The following PTPRN2 variants were observed in gnomAD, a reference collection of about 807,000 sequenced individuals.
The protein encoded by PTPRN2 is protein tyrosine phosphatase receptor type N2, also known as receptor-type tyrosine-protein phosphatase N2.
In PTPRN2, 74 loss-of-function variants were observed where a neutral mutation model predicts 118.8. The observed-to-expected ratio is 0.62, with a 90% CI of 0.52 to 0.76. The LOEUF (loss-of-function observed/expected upper bound fraction) is 0.76, where lower values mean the gene tolerates loss of function less well. PTPRN2 is among the 30% of genes least tolerant of loss of function. The pLI is 0.00. For missense variants in PTPRN2, 1,481 were observed against 1,394.4 expected (o/e 1.06, Z -0.99); for synonymous variants, 641 against 608.0 (o/e 1.05, Z -0.80).
chr7:157,852,194 GT>G (rs1809328639), intron 12 of PTPRN2, among the ~76,000 whole-genome samples: 1 of 152,206 alleles, frequency 6.6e-6, no homozygotes, highest in Non-Finnish European at 1.5e-5. Context: ...TGTCAAAAAA[GT>G]TCCAAAATGT....
At chr7:157,921,261 A>G (rs1798677961) in intron 11 of PTPRN2, among the ~76,000 whole-genome samples, 1 of 152,198 alleles carries the variant, frequency 6.6e-6, no homozygotes. Context: ...CAACGCTAAG[A>G]CGTTCTGGAA....
intron 11 of PTPRN2, among the ~76,000 whole-genome samples, chr7:157,992,675 C>A (rs1385196561): frequency 2.0e-5 from 3 of 152,198 alleles, no homozygotes; most frequent in Non-Finnish European, 2.9e-5. Flanking sequence ...GGTGGCCCAA[C>A]AGAGAGCAGG....
intron 9 of PTPRN2, among the ~76,000 whole-genome samples, chr7:158,113,202 G>A (rs534557047): frequency 9.0e-4 from 137 of 152,222 alleles, no homozygotes; most frequent in Non-Finnish European, 1.7e-3. Flanking sequence ...AGCTGAGGCC[G>A]AGCTTAGCGG....
rs140630701 is a variant in PTPRN2, at chr7:157,900,900, ACTGT to A, written c.1724-2167_1724-2164del. ...ACTACTAAAGGGAATGGGGAGAGAT[ACTGT>A]CTTAGTCCATTTGTGTTGCTGTAAA... On this transcript the variant is annotated intron_variant, in intron 11 of 22. Coordinates refer to ENST00000389418, the MANE Select transcript of PTPRN2 (RefSeq NM_002847.5). Among the ~76,000 whole-genome samples, 1,453 of 152,358 alleles carry A rather than the reference ACTGT, an allele frequency of 9.5e-3. 28 individuals are homozygous for A. Among genetic ancestry groups the A allele is most frequent in the African/African-American group, 0.034 (1,400 of 41,576 alleles).
At chr7:157,567,697 T>C (rs1799557901) in intron 21 of PTPRN2, among the ~76,000 whole-genome samples, 1 of 152,154 alleles carries the variant, frequency 6.6e-6, no homozygotes, top group African/African-American at 2.4e-5. Flanking sequence ...GAGGTCTCTG[T>C]ATGAACACAT....
intron 2 of PTPRN2, among the ~76,000 whole-genome samples, chr7:158,464,872 A>C (rs1366863365): frequency 6.6e-6 from 1 of 152,252 alleles, no homozygotes; most frequent in Non-Finnish European, 1.5e-5. Flanking sequence ...TTGCCATGCC[A>C]ATGAGTAAAT....
intron 14 of PTPRN2, among the ~76,000 whole-genome samples, chr7:157,653,371 G>A (rs976764859): frequency 6.6e-6 from 1 of 152,178 alleles, no homozygotes; most frequent in African/African-American, 2.4e-5. Flanking sequence ...GAGGCTTTGC[G>A]CACAGAGGGC....
chr7:157,734,674 G>C (rs1287195476), intron 12 of PTPRN2, among the ~76,000 whole-genome samples: 1 of 152,200 alleles, frequency 6.6e-6, no homozygotes, highest in Non-Finnish European at 1.5e-5. Context: ...TTACTGAAGC[G>C]TTACAAGGCT....
intron 11 of PTPRN2, among the ~76,000 whole-genome samples, chr7:158,019,871 C>A (rs1172567767): frequency 6.6e-6 from 1 of 152,220 alleles, no homozygotes; most frequent in Non-Finnish European, 1.5e-5. Flanking sequence ...AGCACAGCGG[C>A]CCCCGGCATC....
In PTPRN2 at chr7:158,314,712, T is replaced by C. The variant is rs370943274; in HGVS notation, c.277+2107A>G. ...ACCCGCAGTTTGGCTTTGTGGAGGGTTCCCCATGGACTTTGGGCTCAGGTG... is the reference window on the plus strand; with the variant it reads ...ACCCGCAGTTTGGCTTTGTGGAGGGCTCCCCATGGACTTTGGGCTCAGGTG... On this transcript the variant is annotated intron_variant, in intron 3 of 22. Coordinates refer to ENST00000389418, the MANE Select transcript of PTPRN2 (RefSeq NM_002847.5). 4.6e-5 allele frequency among the ~76,000 whole-genome samples: 7 copies of C among 152,342 alleles called. 1 individual carries two copies. In the South Asian group the frequency reaches 1.4e-3, roughly 32 times the overall value.
intron 15 of PTPRN2, among the ~76,000 whole-genome samples, chr7:157,613,399 C>A (rs1402240508): frequency 6.6e-6 from 1 of 152,224 alleles, no homozygotes; most frequent in Non-Finnish European, 1.5e-5. Flanking sequence ...GGAGGCGGGT[C>A]CGGGCGGGCC....
Position 157,748,523 on chromosome 7 carries a change from T to C in PTPRN2, c.1789-65586A>G, listed in dbSNP as rs563430920. Among the ~76,000 whole-genome samples, 708 of 83,072 alleles carry C rather than the reference T, an allele frequency of 8.5e-3. 11 individuals are homozygous for C. Among genetic ancestry groups the C allele is most frequent in the African/African-American group, 0.031 (604 of 19,794 alleles). The allele number at this position is 83,072 out of a possible 152,430, so 54.5% of individuals were successfully genotyped here. A position where few individuals can be genotyped will look rare whatever the true frequency, so the allele number is the denominator to read the frequency against. ...TCTGGGTGATTCTTAGGTCTGCGTC[T>C]CTGAGCTGTGGGGTGTCCGGGTGAT... On this transcript the variant is annotated intron_variant, in intron 12 of 22. Transcript: ENST00000389418.
At chr7:158,348,340 T>G (rs1807680303) in intron 2 of PTPRN2, among the ~76,000 whole-genome samples, 2 of 132,156 alleles carry the variant, frequency 1.5e-5, no homozygotes, top group Non-Finnish European at 3.2e-5. Flanking sequence ...GGGTCCCCAT[T>G]CACAGCCCCA....
At chr7:158,455,969 G>T (rs1332878639) in intron 2 of PTPRN2, among the ~76,000 whole-genome samples, 1 of 150,246 alleles carries the variant, frequency 6.7e-6, no homozygotes, top group Admixed American at 6.6e-5. Flanking sequence ...TAACGGCATG[G>T]ACGCCATCGG....
chr7:158,068,522 G>A (rs2128913130), intron 11 of PTPRN2, among the ~76,000 whole-genome samples: 1 of 152,320 alleles, frequency 6.6e-6, no homozygotes, highest in East Asian at 1.9e-4. Context: ...GGCCTGCATT[G>A]GTACGGCTTC....
intron 2 of PTPRN2, among the ~76,000 whole-genome samples, chr7:158,346,652 A>C (rs1807534974): frequency 6.6e-6 from 1 of 152,172 alleles, no homozygotes; most frequent in Non-Finnish European, 1.5e-5. Context: ...GGATTGCTAG[A>C]TGATATGGTA....
chr7:158,061,670 C>T (rs981688338), intron 11 of PTPRN2, among the ~76,000 whole-genome samples: 1 of 152,188 alleles, frequency 6.6e-6, no homozygotes, highest in Non-Finnish European at 1.5e-5. Context: ...GCCCATGGTC[C>T]AAGAGCCGTA....
At chr7:157,878,187 G>A (rs11767921) in intron 12 of PTPRN2, among the ~76,000 whole-genome samples, 20,447 of 152,312 alleles carry the variant, frequency 0.13, 1,603 homozygotes, top group East Asian at 0.21. Flanking sequence ...TGTGGTCCAC[G>A]GGAGACCTCA....
chr7:158,308,562 T>C (rs572005317), intron 3 of PTPRN2, among the ~76,000 whole-genome samples: 1 of 152,278 alleles, frequency 6.6e-6, no homozygotes, highest in African/African-American at 2.4e-5. Flanking sequence ...TCTATAAAGA[T>C]ATAATTTTCA....
Sources: gnomAD v4.1 joint callset for allele counts (sites outside exome capture counted in the v4.1 genomes callset) on GRCh38, gnomAD v4.1.1 for gene constraint, MANE v1.5 for transcripts, NCBI Gene and HGNC (gene_info 2026-07-23, HGNC 2026-07-21) for gene names.